Variants in PUS10 observed in about 807,000 individuals in gnomAD.
PUS10 encodes pseudouridine synthase 10, also known as tRNA pseudouridine synthase Pus10.
Under a neutral mutation model 75.0 loss-of-function variants are expected in PUS10, and 59 were observed. The ratio of observed to expected loss-of-function variants is 0.79; its 90% CI spans 0.64 to 0.98. PUS10 has a LOEUF of 0.98. Ranked by LOEUF, PUS10 falls within the 50% of genes least tolerant of loss-of-function variation. The probability of loss-of-function intolerance (pLI) is 0.00; values close to 1 mark genes in which losing one functional copy is unlikely to be tolerated. For synonymous variants in PUS10, 219 were observed against 211.6 expected, an observed-to-expected ratio of 1.03 and a Z score of -0.30; for missense variants, 650 against 614.4, an observed-to-expected ratio of 1.06 and a Z score of -0.61.
At chr2:60,972,695 C>T (rs1473116473) in intron 4 of PUS10, among the ~76,000 whole-genome samples, 3 of 152,122 alleles carry the variant, frequency 2.0e-5, no homozygotes, top group Non-Finnish European at 2.9e-5. Flanking sequence ...AAAAGGCCAA[C>T]GATTATCATT....
chr2:61,008,015 T>G (rs1679347463), intron 3 of PUS10, among the ~76,000 whole-genome samples: 1 of 151,414 alleles, frequency 6.6e-6, no homozygotes, highest in Non-Finnish European at 1.5e-5. Context: ...AGGCGGAGCT[T>G]ACAGTGAGCA....
intron 4 of PUS10, among the ~76,000 whole-genome samples, chr2:61,002,904 A>G (rs1349436468): frequency 6.6e-6 from 1 of 152,106 alleles, no homozygotes; most frequent in South Asian, 2.1e-4. Context: ...TACCGCCTTT[A>G]TTTATTCTAC....
In PUS10 at chr2:61,006,551, C is replaced by T; in HGVS notation, c.468+6G>A. On this transcript the variant is annotated splice_donor_region_variant and intron_variant, in intron 4 of 17. Coordinates refer to ENST00000316752, the MANE Select transcript of PUS10 (RefSeq NM_144709.4). ...CATACAGTTTTATGCATGCAAATGACCTTACCTCTCTTACAGATAGTTGTG... is the reference window on the plus strand; with the variant it reads ...CATACAGTTTTATGCATGCAAATGATCTTACCTCTCTTACAGATAGTTGTG... 1 of 1,605,610 alleles carries T rather than the reference C, an allele frequency of 6.2e-7. No homozygotes were observed. Among genetic ancestry groups the T allele is most frequent in the Non-Finnish European group, 8.5e-7 (1 of 1,173,562 alleles).
chr2:61,011,722 C>G (rs1343700989), intron 2 of PUS10, 43 bp downstream of exon 2: 5 of 1,403,778 alleles, frequency 3.6e-6, no homozygotes, highest in African/African-American at 1.5e-5. Context: ...ATACAGAGAA[C>G]CTTCTCTTAA....
At chr2:60,960,172 G>C (rs1384673716) in intron 11 of PUS10, among the ~76,000 whole-genome samples, 3 of 139,784 alleles carry the variant, frequency 2.1e-5, no homozygotes, top group Non-Finnish European at 4.6e-5. Flanking sequence ...AAAAAAAAGA[G>C]AGAGAGAATA....
At chr2:61,014,845 C>T (rs998758194) in intron 1 of PUS10, among the ~76,000 whole-genome samples, 9 of 152,178 alleles carry the variant, frequency 5.9e-5, no homozygotes, top group Admixed American at 3.9e-4. Context: ...GTTTTCCAAA[C>T]CTCTAAAACT....
intron 1 of PUS10, among the ~76,000 whole-genome samples, chr2:61,012,887 T>TATATATACAC (rs67357917): frequency 1.1e-5 from 1 of 88,898 alleles, no homozygotes; most frequent in East Asian, 3.1e-4. Context: ...TATATATATA[T>TATATATACAC]ACACACACAC....
At chr2:60,973,401 G>A (rs1270961325) in intron 4 of PUS10, among the ~76,000 whole-genome samples, 1 of 152,212 alleles carries the variant, frequency 6.6e-6, no homozygotes, top group Non-Finnish European at 1.5e-5. Flanking sequence ...GTCTGCTCCC[G>A]CTCCCTGACC....
At chr2:60,959,676 A>G (rs1249996219) in intron 11 of PUS10, among the ~76,000 whole-genome samples, 1 of 152,170 alleles carries the variant, frequency 6.6e-6, no homozygotes, top group Non-Finnish European at 1.5e-5. Flanking sequence ...GGTGCGCACC[A>G]CTGCACTCGG....
At chr2:60,965,549 G>A in intron 6 of PUS10, 65 bp from the exon 7 acceptor site, 8 of 1,116,404 alleles carry the variant, frequency 7.2e-6, no homozygotes, top group East Asian at 2.5e-5. Flanking sequence ...ACTTATTAAT[G>A]GAAATAGAAA....
At chr2:60,942,542 T>C in intron 17 of PUS10, 109 bp from the exon 18 acceptor site, 1 of 851,808 alleles carries the variant, frequency 1.2e-6, no homozygotes, top group Non-Finnish European at 1.9e-6. Context: ...CAGAAGAAAC[T>C]GCATTTGAAG....
chr2:60,981,891 G>A (rs905019107), intron 4 of PUS10, among the ~76,000 whole-genome samples: 32 of 152,044 alleles, frequency 2.1e-4, no homozygotes, highest in African/African-American at 7.0e-4. Flanking sequence ...TTTTGACCTC[G>A]TGAACCCCTT....
intron 8 of PUS10, among the ~76,000 whole-genome samples, chr2:60,963,489 A>G (rs1313889174): frequency 6.6e-6 from 1 of 152,236 alleles, no homozygotes; most frequent in African/African-American, 2.4e-5. Context: ...AAGATAAGAA[A>G]AGCCAAACTG....
chr2:60,976,748 C>A (rs116259150), intron 4 of PUS10, among the ~76,000 whole-genome samples: 364 of 152,294 alleles, frequency 2.4e-3, no homozygotes, highest in African/African-American at 8.5e-3. Flanking sequence ...CTGGATTATT[C>A]AATTGTTACC....
At chr2:60,971,674 A>T in intron 4 of PUS10, 117 bp from the exon 5 acceptor site, 1 of 910,656 alleles carries the variant, frequency 1.1e-6, no homozygotes, top group Non-Finnish European at 1.8e-6. Context: ...TCCCCTTTTT[A>T]GGTGACGAGT....
At chr2:61,004,279 C>T (rs1175217972) in intron 4 of PUS10, among the ~76,000 whole-genome samples, 3 of 152,172 alleles carry the variant, frequency 2.0e-5, no homozygotes, top group Admixed American at 6.5e-5. Context: ...TCCAACCTGG[C>T]TTGCACAGCA....
intron 4 of PUS10, among the ~76,000 whole-genome samples, chr2:60,983,189 A>T (rs1264716280): frequency 6.6e-6 from 1 of 151,860 alleles, no homozygotes; most frequent in East Asian, 1.9e-4. Context: ...CACCACACCC[A>T]GCCCTTAAGT....
At chr2:60,960,357 A>AG (rs767859383) in intron 11 of PUS10, 35 bp downstream of exon 11, 15 of 1,464,096 alleles carry the variant, frequency 1.0e-5, no homozygotes, top group South Asian at 5.8e-5. Context: ...AAAAAAAAAA[A>AG]AAAGAAAGAA....
intron 6 of PUS10, 80 bp downstream of exon 6, chr2:60,967,422 G>A: frequency 4.2e-6 from 4 of 961,902 alleles, no homozygotes; most frequent in Non-Finnish European, 6.3e-6. Flanking sequence ...AGTTTTTTTG[G>A]CTAACCAAAA....
Sources: gnomAD v4.1 joint callset for allele counts (sites outside exome capture counted in the v4.1 genomes callset) on GRCh38, gnomAD v4.1.1 for gene constraint, MANE v1.5 for transcripts, NCBI Gene and HGNC (gene_info 2026-07-23, HGNC 2026-07-21) for gene names.